SLC22A3: variants seen among roughly 807,000 people sequenced by gnomAD.
The protein encoded by SLC22A3 is solute carrier family 22 member 3.
SLC22A3 carries 51 observed loss-of-function variants against 59.1 expected under a neutral mutation model. The ratio of observed to expected loss-of-function variants is 0.86; its 90% CI spans 0.69 to 1.09. The LOEUF is 1.09. SLC22A3 is among the 50% of genes least tolerant of loss of function. The pLI is 0.00. For missense variants in SLC22A3, 711 were observed against 726.3 expected, an observed-to-expected ratio of 0.98 and a Z score of 0.24; for synonymous variants, 325 against 292.0, an observed-to-expected ratio of 1.11 and a Z score of -1.15.
chr6:160,438,135 T>C (rs899461743), intron 7 of SLC22A3, among the ~76,000 whole-genome samples: 1 of 152,114 alleles, frequency 6.6e-6, no homozygotes, highest in Non-Finnish European at 1.5e-5. Flanking sequence ...TTCAGAGATG[T>C]TGCAGAGTTA....
chr6:160,354,449 G>A (rs1342804773), intron 1 of SLC22A3, among the ~76,000 whole-genome samples: 2 of 152,166 alleles, frequency 1.3e-5, no homozygotes, highest in Non-Finnish European at 2.9e-5. Context: ...AGGGAGGGAA[G>A]GAACAGGCTA....
rs190386432 is a variant in SLC22A3 at position 160,426,376 on chromosome 6, T to A, written c.976-10404T>A. 2.6e-5 allele frequency: 26 copies of A among 983,842 alleles called. No homozygotes were observed. The East Asian group carries it at 2.8e-3, about 107-fold the overall frequency. The allele number at this position is 983,842 out of a possible 1,614,324, so 60.9% of individuals were successfully genotyped here. On this transcript the variant is annotated intron_variant, in intron 5 of 10. Transcript: ENST00000275300. ...GGTGCAGAGTTGGGTTACTTAAGAC[T>A]CTGTGCATGGCTCAGGCATCATTGG...
intron 1 of SLC22A3, among the ~76,000 whole-genome samples, chr6:160,375,995 G>T (rs892632574): frequency 6.6e-6 from 1 of 151,962 alleles, no homozygotes; most frequent in African/African-American, 2.4e-5. Flanking sequence ...TTGTTGGGAG[G>T]ACTTAATGAG....
intron 1 of SLC22A3, among the ~76,000 whole-genome samples, chr6:160,354,502 G>T (rs776371798): frequency 6.6e-6 from 1 of 152,162 alleles, no homozygotes; most frequent in Non-Finnish European, 1.5e-5. Flanking sequence ...GCTGATCCCT[G>T]GTCTAGCATA....
At chr6:160,436,068 A>G (rs1788324034) in intron 5 of SLC22A3, among the ~76,000 whole-genome samples, 1 of 152,174 alleles carries the variant, frequency 6.6e-6, no homozygotes, top group African/African-American at 2.4e-5. Flanking sequence ...GAGGTCAAAG[A>G]GCCCTCCATG....
At chr6:160,416,948 A>T (rs1422606198) in intron 5 of SLC22A3, among the ~76,000 whole-genome samples, 1 of 152,240 alleles carries the variant, frequency 6.6e-6, no homozygotes, top group Non-Finnish European at 1.5e-5. Context: ...GTGGTAGTAG[A>T]CTTGGTCTAT....
intron 1 of SLC22A3, among the ~76,000 whole-genome samples, chr6:160,394,409 G>A (rs185238114): frequency 1.3e-4 from 19 of 150,744 alleles, no homozygotes; most frequent in Non-Finnish European, 2.8e-4. Context: ...GCCCAGAGCT[G>A]TTGCATCAGC....
At chr6:160,372,641 G>GCTGGATGGGGC (rs1299149322) in intron 1 of SLC22A3, among the ~76,000 whole-genome samples, 98 of 152,256 alleles carry the variant, frequency 6.4e-4, no homozygotes, top group Non-Finnish European at 1.0e-3. Context: ...CCAATCAAAC[G>GCTGGATGGGGC]TAGGTTTGGC....
intron 9 of SLC22A3, among the ~76,000 whole-genome samples, chr6:160,444,175 G>C (rs1026816616): frequency 6.6e-6 from 1 of 152,102 alleles, no homozygotes; most frequent in African/African-American, 2.4e-5. Flanking sequence ...TTCAAGACCA[G>C]CTTGGGCAAC....
intron 1 of SLC22A3, among the ~76,000 whole-genome samples, chr6:160,356,758 A>C (rs937064116): frequency 1.3e-5 from 2 of 152,278 alleles, no homozygotes; most frequent in Non-Finnish European, 2.9e-5. Context: ...AGGAAAAAGC[A>C]AAGTTTTAAT....
intron 5 of SLC22A3, among the ~76,000 whole-genome samples, chr6:160,436,278 T>A (rs1381556725): frequency 6.6e-6 from 1 of 152,186 alleles, no homozygotes; most frequent in Non-Finnish European, 1.5e-5. Context: ...GACCAGTTTC[T>A]TGGATGGCCA....
chr6:160,423,331 C>G (rs1291655946), intron 5 of SLC22A3, among the ~76,000 whole-genome samples: 1 of 152,176 alleles, frequency 6.6e-6, no homozygotes, highest in East Asian at 1.9e-4. Flanking sequence ...ATTTATAATC[C>G]TCTGGGTATA....
intron 7 of SLC22A3, among the ~76,000 whole-genome samples, chr6:160,439,608 A>C (rs1788475121): frequency 6.6e-6 from 1 of 152,250 alleles, no homozygotes; most frequent in Non-Finnish European, 1.5e-5. Context: ...ATTGGAAAAT[A>C]TAACACCAAG....
intron 1 of SLC22A3, among the ~76,000 whole-genome samples, chr6:160,358,116 A>C (rs1290436878): frequency 6.6e-6 from 1 of 152,230 alleles, no homozygotes; most frequent in Non-Finnish European, 1.5e-5. Context: ...TTTGTGAAAA[A>C]ATTATCAAAT....
chr6:160,370,012 T>G (rs1439311601), intron 1 of SLC22A3, among the ~76,000 whole-genome samples: 3 of 152,230 alleles, frequency 2.0e-5, no homozygotes, highest in Non-Finnish European at 4.4e-5. Context: ...CTCAGTTAGC[T>G]GCAACAACTG....
At chr6:160,368,493 C>T (rs1785284310) in intron 1 of SLC22A3, among the ~76,000 whole-genome samples, 1 of 152,166 alleles carries the variant, frequency 6.6e-6, no homozygotes, top group African/African-American at 2.4e-5. Flanking sequence ...ACGCTTAAAC[C>T]TGCTTAAGTT....
In SLC22A3 at chr6:160,348,724, C is replaced by A. The variant is rs750208423; in HGVS notation, c.305C>A (p.Ala102Asp). The change falls in exon 1 of 11, where the codon GCC (alanine) becomes GAC (aspartate). Residue 102 changes from alanine to aspartate, a missense_variant. Transcript: ENST00000275300. ...RYLLEAANDS[A>D]SATSALSCAD... ...CTCCTGGAGGCGGCCAACGACAGCG[C>A]CTCCGCCACTAGCGCTCTCAGCTGC... 28 of 1,527,276 alleles carry A rather than the reference C, an allele frequency of 1.8e-5. No homozygotes were observed. In the Admixed American group the frequency reaches 5.5e-4, roughly 30 times the overall value. The allele number at this position is 1,527,276 out of a possible 1,614,324, so 94.6% of individuals were successfully genotyped here.
At chr6:160,449,221 T>A (rs998843114) in intron 10 of SLC22A3, among the ~76,000 whole-genome samples, 1 of 152,166 alleles carries the variant, frequency 6.6e-6, no homozygotes, top group Non-Finnish European at 1.5e-5. Context: ...TTTTTGTTTT[T>A]GTTTTTGTTT....
intron 4 of SLC22A3, among the ~76,000 whole-genome samples, chr6:160,409,835 ATAAAG>A (rs1305428714): frequency 6.6e-6 from 1 of 152,238 alleles, no homozygotes; most frequent in Non-Finnish European, 1.5e-5. Context: ...CATGAAAACT[ATAAAG>A]TAACCAACCA....
Sources: gnomAD v4.1 joint callset for allele counts (sites outside exome capture counted in the v4.1 genomes callset) on GRCh38, gnomAD v4.1.1 for gene constraint, MANE v1.5 for transcripts, NCBI Gene and HGNC (gene_info 2026-07-23, HGNC 2026-07-21) for gene names.